LRMDA: variants seen among roughly 807,000 people sequenced by gnomAD.
LRMDA encodes the protein leucine-rich melanocyte differentiation-associated protein.
In LRMDA, 18 loss-of-function variants were observed where a neutral mutation model predicts 29.8. The ratio of observed to expected loss-of-function variants is 0.60; its 90% CI spans 0.42 to 0.90. The LOEUF (loss-of-function observed/expected upper bound fraction) is 0.90. Among genes scored for constraint, LRMDA ranks in the 40% least tolerant of loss-of-function variants. The pLI is 0.00. For missense variants in LRMDA, 273 were observed against 273.9 expected (o/e 1.00, Z 0.02); for synonymous variants, 125 against 109.4 (o/e 1.14, Z -0.89).
intron 2 of LRMDA, among the ~76,000 whole-genome samples, chr10:75,870,690 T>A (rs796394870): frequency 7.2e-5 from 11 of 152,332 alleles, no homozygotes; most frequent in African/African-American, 2.6e-4. Context: ...GACCTTGTGA[T>A]CTCTCCTTGC....
intron 2 of LRMDA, among the ~76,000 whole-genome samples, chr10:75,515,200 TA>T (rs1470905340): frequency 6.6e-6 from 1 of 152,066 alleles, no homozygotes; most frequent in Non-Finnish European, 1.5e-5. Context: ...AGTAGATTAG[TA>T]GTTGCCAGGG....
intron 2 of LRMDA, among the ~76,000 whole-genome samples, chr10:75,591,952 G>A (rs1200083771): frequency 1.3e-5 from 2 of 152,034 alleles, no homozygotes. Context: ...CAAAAGAAGT[G>A]CAGTGTCAGG....
At chr10:75,990,159 A>G (rs1212468354) in intron 2 of LRMDA, among the ~76,000 whole-genome samples, 5 of 152,170 alleles carry the variant, frequency 3.3e-5, no homozygotes, top group Non-Finnish European at 7.3e-5. Flanking sequence ...TTTATCGGGG[A>G]GAGGTATCTG....
At chr10:75,999,336 T>C (rs1333226308) in intron 2 of LRMDA, among the ~76,000 whole-genome samples, 2 of 152,182 alleles carry the variant, frequency 1.3e-5, no homozygotes, top group African/African-American at 2.4e-5. Flanking sequence ...AGGCTGAGAT[T>C]TATTGTTGTC....
intron 2 of LRMDA, among the ~76,000 whole-genome samples, chr10:75,972,354 A>G (rs1276800030): frequency 3.9e-5 from 6 of 152,014 alleles, no homozygotes; most frequent in Non-Finnish European, 7.4e-5. Flanking sequence ...TCTAGCTGAC[A>G]TTTTCCTCTA....
At position 76,558,236 on chromosome 10, in the gene LRMDA, A is replaced by T. The variant is rs1843581795; in HGVS notation, c.*948A>T. On this transcript the variant is annotated 3_prime_UTR_variant, in exon 7 of 7. Coordinates refer to ENST00000611255, the MANE Select transcript of LRMDA (RefSeq NM_001305581.2). ...GGTGCTATTTAAAGGGAGTGAGGTG[A>T]TGAAAGATAGAGTGAAGGGTCAGGA... 1 of 152,210 alleles carries T rather than the reference A, an allele frequency of 6.6e-6. No individual in the cohort carries two copies. Among genetic ancestry groups the T allele is most frequent in the Admixed American group, 6.5e-5 (1 of 15,282 alleles). The allele number at this position is 152,210 out of a possible 1,614,324, so 9.4% of individuals were successfully genotyped here. A position where few individuals can be genotyped will look rare whatever the true frequency, so the allele number is the denominator to read the frequency against.
At chr10:75,759,211 GGT>G (rs1054664071) in intron 2 of LRMDA, among the ~76,000 whole-genome samples, 1 of 152,058 alleles carries the variant, frequency 6.6e-6, no homozygotes, top group African/African-American at 2.4e-5. Flanking sequence ...CAGGAAATGG[GGT>G]TTAGTTATTA....
chr10:75,613,114 C>CA (rs1323073969), intron 2 of LRMDA, among the ~76,000 whole-genome samples: 2 of 100,618 alleles, frequency 2.0e-5, no homozygotes, highest in South Asian at 3.1e-4. Context: ...AAAACCTTGC[C>CA]AATTTTTTTT....
chr10:75,552,441 G>A, intron 2 of LRMDA: 1 of 279,628 alleles, frequency 3.6e-6, no homozygotes, highest in Non-Finnish European at 7.9e-6. Flanking sequence ...CCCTCTGGCT[G>A]CTTTCAGAAT....
intron 5 of LRMDA, among the ~76,000 whole-genome samples, chr10:76,305,814 T>C (rs1840547873): frequency 6.6e-6 from 1 of 152,180 alleles, no homozygotes; most frequent in African/African-American, 2.4e-5. Context: ...TTAACAGTTA[T>C]TGATAGTATA....
At chr10:76,318,226 C>T (rs1454746886) in intron 5 of LRMDA, 1 of 152,202 alleles carries the variant, frequency 6.6e-6, no homozygotes, top group Non-Finnish European at 1.5e-5. Context: ...AATGCCCAAG[C>T]CACAGCCCTT....
intron 6 of LRMDA, among the ~76,000 whole-genome samples, chr10:76,490,984 ATATCT>A (rs1420267558): frequency 2.6e-5 from 4 of 151,922 alleles, no homozygotes; most frequent in Non-Finnish European, 4.4e-5. Flanking sequence ...CTTGCAAATA[ATATCT>A]TATAACTCAT....
At chr10:75,763,614 A>G (rs1302427466) in intron 2 of LRMDA, among the ~76,000 whole-genome samples, 1 of 152,248 alleles carries the variant, frequency 6.6e-6, no homozygotes, top group Non-Finnish European at 1.5e-5. Context: ...TGAGTAAACA[A>G]GAGATGCAGT....
chr10:75,513,465 A>G (rs1336067948), intron 2 of LRMDA, among the ~76,000 whole-genome samples: 1 of 152,138 alleles, frequency 6.6e-6, no homozygotes, highest in African/African-American at 2.4e-5. Flanking sequence ...TGGGTCTTTT[A>G]TATGGCTGTG....
chr10:76,387,752 A>G (rs1841677791), intron 6 of LRMDA, among the ~76,000 whole-genome samples: 10 of 152,224 alleles, frequency 6.6e-5, no homozygotes, highest in Admixed American at 6.5e-4. Context: ...TAGGCAGAGC[A>G]CAAAAATAAG....
rs1429788895 is a variant in LRMDA, at chr10:76,287,022, C to CAT, written c.517-37378_517-37377insTA. On this transcript the variant is annotated intron_variant, in intron 5 of 6. Coordinates refer to ENST00000611255, the MANE Select transcript of LRMDA (RefSeq NM_001305581.2). ...TGTCCTCTATTATTAATGGCAGAGA[C>CAT]AATGATATAATTATTTATGCTGGAA... Among the ~76,000 whole-genome samples the CAT allele has an allele frequency of 1.5e-4, 23 of 152,202 alleles. No individual in the cohort carries two copies. In the East Asian group the frequency reaches 4.1e-3, roughly 27 times the overall value.
intron 6 of LRMDA, among the ~76,000 whole-genome samples, chr10:76,449,114 G>A (rs1842381085): frequency 6.6e-6 from 1 of 151,612 alleles, no homozygotes; most frequent in Middle Eastern, 3.3e-3. Context: ...AATGCCTCAG[G>A]GGTATTTGAA....
At chr10:76,295,899 C>G (rs1314777579) in intron 5 of LRMDA, among the ~76,000 whole-genome samples, 1 of 152,192 alleles carries the variant, frequency 6.6e-6, no homozygotes, top group Non-Finnish European at 1.5e-5. Flanking sequence ...CTTCACTCAT[C>G]CCTTTCTTTG....
chr10:75,464,443 A>G (rs912579718), intron 2 of LRMDA, among the ~76,000 whole-genome samples: 3 of 152,208 alleles, frequency 2.0e-5, no homozygotes, highest in African/African-American at 7.2e-5. Flanking sequence ...TGTTAGCTGT[A>G]TGCTTAGGGT....
Sources: gnomAD v4.1 joint callset for allele counts (sites outside exome capture counted in the v4.1 genomes callset) on GRCh38, gnomAD v4.1.1 for gene constraint, MANE v1.5 for transcripts, NCBI Gene and HGNC (gene_info 2026-07-23, HGNC 2026-07-21) for gene names.